C13orf46: variants seen among roughly 807,000 people sequenced by gnomAD.
The protein encoded by C13orf46 is chromosome 13 open reading frame 46.
At position 113,964,984 on chromosome 13, in the gene C13orf46, T is replaced by C. The variant is rs2052622290; in HGVS notation, c.515A>G (p.Asp172Gly). 1 of 152,352 alleles carries C rather than the reference T, an allele frequency of 6.6e-6. No individual in the cohort carries two copies. The highest frequency in any genetic ancestry group is 1.5e-5 in the Non-Finnish European group (1 of 68,136). The allele number at this position is 152,352 out of a possible 1,614,324, so 9.4% of individuals were successfully genotyped here. A position where few individuals can be genotyped will look rare whatever the true frequency, so the allele number is the denominator to read the frequency against. ...GGACGGCTTCTCTTCCTTCTTGGCA[T>C]CGGTGACCACCTGTGGGGAGTGGAG... is the stretch of plus-strand genomic sequence containing the variant. ...LGDHAEEVVT[D>G]AKKEEKPSQM... is the part of the protein sequence containing the mutation. Residue 172 changes from aspartate (D) to glycine (G), a missense_variant, in exon 6 of 7, where the codon GAT (aspartate) becomes GGT (glycine). Physicochemically the swap from Asp to Gly is moderately conservative, Grantham distance 94 (BLOSUM62 -1). Transcript: ENST00000636427.
chr13:113,931,410 C>G, the C13orf46 span, among the ~76,000 whole-genome samples: 1 of 152,148 alleles, frequency 6.6e-6, no homozygotes, highest in Non-Finnish European at 1.5e-5. Flanking sequence ...ATAGTCCAGG[C>G]GAGAGAGGCT....
rs878900699 is a variant in C13orf46, at chr13:113,954,020, G to T, written c.*2753C>A. ...GCTTTGGGGGGTCCCCTTTCTCTCT[G>T]CAGCCTGGATGGTGCCCCACTTTGA... is the stretch of plus-strand genomic sequence containing the variant. On this transcript the variant is annotated 3_prime_UTR_variant, in exon 7 of 7. Transcript: ENST00000636427. The T allele has an allele frequency of 0.57, 86,051 of 152,286 alleles. 25,291 individuals are homozygous for T. The highest frequency in any genetic ancestry group is 0.66 in the Non-Finnish European group (44,757 of 68,136). 9.4% of individuals were successfully genotyped at this position (152,286 alleles called of 1,614,324 possible).
the C13orf46 span, among the ~76,000 whole-genome samples, chr13:113,936,522 A>AG: frequency 4.2e-3 from 634 of 152,144 alleles, 11 homozygotes; most frequent in East Asian, 0.049. Context: ...CAGCCCGAGG[A>AG]GGGGGAAACC....
the C13orf46 span, among the ~76,000 whole-genome samples, chr13:113,945,680 A>AGGAAGGAAAG: frequency 5.4e-4 from 50 of 92,688 alleles, no homozygotes; most frequent in African/African-American, 2.0e-3. Context: ...AAGGAAAGAA[A>AGGAAGGAAAG]AACAAACCAA....
At chr13:113,947,266 G>A in the C13orf46 span, among the ~76,000 whole-genome samples, 21 of 152,316 alleles carry the variant, frequency 1.4e-4, no homozygotes, top group South Asian at 1.9e-3. Flanking sequence ...GGTTACTTAC[G>A]GGGAAGGGGG....
downstream of C13orf46, among the ~76,000 whole-genome samples, chr13:113,950,531 C>A (rs1250459360): frequency 6.6e-6 from 1 of 152,262 alleles, no homozygotes; most frequent in Admixed American, 6.5e-5. Flanking sequence ...TGTTCAGGGC[C>A]AGAAGGGCTG....
At chr13:113,965,294 T>G (rs1594249732) in intron 5 of C13orf46, among the ~76,000 whole-genome samples, 1 of 152,124 alleles carries the variant, frequency 6.6e-6, no homozygotes, top group South Asian at 2.1e-4. Context: ...TTGTTGGGGG[T>G]TAACAACCAG....
the C13orf46 span, chr13:113,927,886 T>C: frequency 2.9e-6 from 1 of 339,998 alleles, no homozygotes; most frequent in African/African-American, 2.1e-5. Context: ...GCAAGTCTCT[T>C]GGAAACATGT....
intron 6 of C13orf46, among the ~76,000 whole-genome samples, chr13:113,957,263 ACCT>A (rs1481948949): frequency 4.7e-5 from 5 of 107,408 alleles, no homozygotes; most frequent in Admixed American, 2.3e-4. Context: ...CTCTGCATGC[ACCT>A]CCTTTCATCA....
At chr13:113,937,424 C>CATT in the C13orf46 span, among the ~76,000 whole-genome samples, 5 of 152,216 alleles carry the variant, frequency 3.3e-5, no homozygotes, top group African/African-American at 9.6e-5. Flanking sequence ...TGGTAACAAT[C>CATT]ATTAGCACTG....
the C13orf46 span, among the ~76,000 whole-genome samples, chr13:113,937,492 G>T: frequency 6.6e-6 from 1 of 152,214 alleles, no homozygotes; most frequent in African/African-American, 2.4e-5. Context: ...CTGCAGGTGA[G>T]ATGAACATCT....
At chr13:113,951,759 G>C (rs1193471969), downstream of C13orf46, among the ~76,000 whole-genome samples, 1 of 152,256 alleles carries the variant, frequency 6.6e-6, no homozygotes, top group Non-Finnish European at 1.5e-5. Flanking sequence ...CAAAGTGGTT[G>C]CCTTTTTTGC....
intron 3 of C13orf46, 40 bp downstream of exon 3, chr13:113,968,555 G>C (rs2052672557): frequency 6.6e-6 from 1 of 152,282 alleles, no homozygotes; most frequent in Non-Finnish European, 1.5e-5. Context: ...GGGCTCCAAG[G>C]CAAGAGGAAA....
intron 1 of C13orf46, among the ~76,000 whole-genome samples, chr13:113,972,929 G>C (rs576980928): frequency 3.9e-5 from 6 of 152,328 alleles, no homozygotes; most frequent in African/African-American, 1.2e-4. Context: ...CTCCGCCCCA[G>C]CAGCGCAAGG....
the C13orf46 span, among the ~76,000 whole-genome samples, chr13:113,940,280 G>C: frequency 6.6e-6 from 1 of 152,252 alleles, no homozygotes. Context: ...AGACCCTGCG[G>C]TGCTGCCGCC....
chr13:113,959,714 G>A (rs2052572516), intron 6 of C13orf46, among the ~76,000 whole-genome samples: 1 of 152,190 alleles, frequency 6.6e-6, no homozygotes, highest in African/African-American at 2.4e-5. Flanking sequence ...AGGAAAATTT[G>A]GAGCTCAAAT....
chr13:113,953,080 G>GCCAGGAC (rs2052495849), downstream of C13orf46, among the ~76,000 whole-genome samples: 1 of 152,242 alleles, frequency 6.6e-6, no homozygotes, highest in African/African-American at 2.4e-5. Context: ...GACTGCCGCT[G>GCCAGGAC]CCAGGACCCT....
chr13:113,948,342 A>C, the C13orf46 span, among the ~76,000 whole-genome samples: 2 of 152,222 alleles, frequency 1.3e-5, no homozygotes, highest in Non-Finnish European at 2.9e-5. Context: ...ATTGTTCTTG[A>C]CATCAAAAAT....
the C13orf46 span, among the ~76,000 whole-genome samples, chr13:113,929,338 C>G: frequency 1.3e-5 from 2 of 152,262 alleles, no homozygotes; most frequent in African/African-American, 4.8e-5. Flanking sequence ...TAAAGCCCGT[C>G]CATCCAGAGC....
Sources: gnomAD v4.1 joint callset for allele counts (sites outside exome capture counted in the v4.1 genomes callset) on GRCh38, gnomAD v4.1.1 for gene constraint, MANE v1.5 for transcripts, NCBI Gene and HGNC (gene_info 2026-07-23, HGNC 2026-07-21) for gene names.